Variants in NKAIN3 observed in about 807,000 individuals in gnomAD.
The protein encoded by NKAIN3 is sodium/potassium-transporting ATPase subunit beta-1-interacting protein 3.
A neutral mutation model predicts 30.2 loss-of-function variants in NKAIN3; 25 were observed. The ratio of observed to expected loss-of-function variants is 0.83; its 90% CI spans 0.60 to 1.16. The LOEUF (loss-of-function observed/expected upper bound fraction) is 1.16, where lower values mean the gene tolerates loss of function less well. NKAIN3 is among the 50% of genes most tolerant of loss of function. The pLI is 0.00. For synonymous variants in NKAIN3, 91 were observed against 89.6 expected, an observed-to-expected ratio of 1.02 and a Z score of -0.09; for missense variants, 225 against 254.1, an observed-to-expected ratio of 0.89 and a Z score of 0.78.
At chr8:62,678,926 C>T (rs981764363) in intron 3 of NKAIN3, among the ~76,000 whole-genome samples, 1 of 151,928 alleles carries the variant, frequency 6.6e-6, no homozygotes, top group African/African-American at 2.4e-5. Flanking sequence ...ACAAACAGGA[C>T]ATTTTTGTAA....
chr8:62,954,894 A>G (rs549978042), intron 6 of NKAIN3, among the ~76,000 whole-genome samples: 1 of 152,338 alleles, frequency 6.6e-6, no homozygotes, highest in African/African-American at 2.4e-5. Context: ...GTAGCAAACC[A>G]TCACCCAACC....
At chr8:62,459,989 G>A (rs759973620) in intron 1 of NKAIN3, among the ~76,000 whole-genome samples, 18 of 152,194 alleles carry the variant, frequency 1.2e-4, no homozygotes, top group Non-Finnish European at 2.6e-4. Flanking sequence ...AGAATAGACT[G>A]TAATGTGGTA....
At chr8:62,808,252 T>C (rs918075597) in intron 4 of NKAIN3, among the ~76,000 whole-genome samples, 1 of 152,222 alleles carries the variant, frequency 6.6e-6, no homozygotes, top group Non-Finnish European at 1.5e-5. Flanking sequence ...CTGAAGAACA[T>C]GCTTTAGTAG....
intron 4 of NKAIN3, among the ~76,000 whole-genome samples, chr8:62,765,562 G>A (rs7015211): frequency 0.51 from 77,211 of 151,960 alleles, 22,752 homozygotes; most frequent in Non-Finnish European, 0.67. Context: ...ATTTATATTT[G>A]TATAGGAGCT....
chr8:62,617,209 A>G (rs568781004), intron 3 of NKAIN3, among the ~76,000 whole-genome samples: 23 of 152,296 alleles, frequency 1.5e-4, no homozygotes, highest in African/African-American at 5.5e-4. Flanking sequence ...TAAATTACCC[A>G]GTCTCAGATA....
intron 4 of NKAIN3, among the ~76,000 whole-genome samples, chr8:62,806,301 T>C (rs1295430043): frequency 1.3e-5 from 2 of 152,224 alleles, no homozygotes; most frequent in Non-Finnish European, 2.9e-5. Flanking sequence ...ATCCCATTAC[T>C]GGGTATATAC....
intron 3 of NKAIN3, among the ~76,000 whole-genome samples, chr8:62,685,782 A>G (rs542474285): frequency 2.0e-5 from 3 of 152,272 alleles, no homozygotes; most frequent in Admixed American, 2.0e-4. Context: ...AAAATGACTC[A>G]TTCTGACTGC....
In NKAIN3 at chr8:62,249,115, C is replaced by A; in HGVS notation, c.42C>A (p.Cys14Ter). The A allele has an allele frequency of 1.3e-6, 2 of 1,537,792 alleles. No homozygotes were observed. Among genetic ancestry groups the A allele is most frequent in the African/African-American group, 1.4e-5 (1 of 71,524 alleles). ...GACGCTGCTCGCTCATCTGCCTCTG[C>A]GCGCTGCAGTTGGTGAGTGCCCCGA... is the stretch of plus-strand genomic sequence containing the variant. ...CTGRCSLICL[C>*]ALQLVSALER... The change falls in exon 1 of 7, where the codon TGC becomes TGA. Residue 14 changes from cysteine (C) to a stop codon, truncating the protein, a stop_gained. Coordinates refer to ENST00000623646, the MANE Select transcript of NKAIN3 (RefSeq NM_001304533.3). LOFTEE classifies it high-confidence loss of function.
intron 4 of NKAIN3, among the ~76,000 whole-genome samples, chr8:62,844,995 G>C (rs1195122148): frequency 6.6e-6 from 1 of 151,934 alleles, no homozygotes; most frequent in Non-Finnish European, 1.5e-5. Flanking sequence ...TTGAAAGGCA[G>C]TTTAGATGAA....
In NKAIN3 at chr8:62,777,777, T is replaced by C. The variant is rs1391368184; in HGVS notation, c.471+30648T>C. Among the ~76,000 whole-genome samples the C allele has an allele frequency of 2.6e-5, 4 of 152,268 alleles. No individual in the cohort carries two copies. In the East Asian group the frequency reaches 7.7e-4, roughly 29 times the overall value. ...GTGGACGTTCATCAGTGTCTGGGCA[T>C]AGAAAAATTAGGAAGTTATTGTAGT... On this transcript the variant is annotated intron_variant, in intron 4 of 6. Coordinates refer to ENST00000623646, the MANE Select transcript of NKAIN3 (RefSeq NM_001304533.3).
At position 62,981,360 on chromosome 8, in the gene NKAIN3, C is replaced by T. The variant is rs1246395631; in HGVS notation, c.*15953C>T. 1 of 152,100 alleles carries T rather than the reference C, an allele frequency of 6.6e-6. No individual in the cohort carries two copies. The highest frequency in any genetic ancestry group is 1.9e-4 in the East Asian group (1 of 5,196). 9.4% of individuals were successfully genotyped at this position (152,100 alleles called of 1,614,324 possible). On this transcript the variant is annotated 3_prime_UTR_variant, in exon 7 of 7. Coordinates refer to ENST00000623646, the MANE Select transcript of NKAIN3 (RefSeq NM_001304533.3). The stretch of plus-strand genomic sequence containing the variant: ...TGATAACTGTAATAAGAATATGTCT[C>T]GTTTTCTTTTAAAGACATAGATATT...
Position 62,977,533 on chromosome 8 carries a change from T to C in NKAIN3, c.*12126T>C, listed in dbSNP as rs1823972212. On this transcript the variant is annotated 3_prime_UTR_variant, in exon 7 of 7. Transcript: ENST00000623646. ...TTCATGAAGTTCTCGTGCTGTGTTT[T>C]TCAGCTCCATCAGGTCATTTGTGTT... Among the ~76,000 whole-genome samples the C allele has an allele frequency of 6.6e-6, 1 of 152,064 alleles. No homozygotes were observed. The highest frequency in any genetic ancestry group is 1.5e-5 in the Non-Finnish European group (1 of 68,006).
At chr8:62,994,813 A>G (rs1431235797) in intron 5 of NKAIN3, among the ~76,000 whole-genome samples, 1 of 152,174 alleles carries the variant, frequency 6.6e-6, no homozygotes, top group African/African-American at 2.4e-5. Context: ...GGAAGGTGGC[A>G]TTTTATTTCA....
Position 62,843,735 on chromosome 8 carries a change from G to A in NKAIN3, c.472-74718G>A, listed in dbSNP as rs181108426. ...TTGTGCTTTTTAAATGACTAAGTTT[G>A]TGATGATTTGCCACAGCAACAATAG... On this transcript the variant is annotated intron_variant, in intron 4 of 6. Coordinates refer to ENST00000623646, the MANE Select transcript of NKAIN3 (RefSeq NM_001304533.3). Among the ~76,000 whole-genome samples, 1,107 of 152,244 alleles carry A rather than the reference G, an allele frequency of 7.3e-3. 2 individuals are homozygous for A. Among genetic ancestry groups the A allele is most frequent in the Non-Finnish European group, 0.012 (813 of 67,996 alleles).
intron 1 of NKAIN3, among the ~76,000 whole-genome samples, chr8:62,517,455 C>G (rs76171223): frequency 9.9e-5 from 15 of 152,210 alleles, no homozygotes; most frequent in African/African-American, 3.6e-4. Context: ...TTATCTGGAA[C>G]TCAGTCTTGT....
At chr8:62,654,493 A>C (rs1812712066) in intron 3 of NKAIN3, among the ~76,000 whole-genome samples, 1 of 152,148 alleles carries the variant, frequency 6.6e-6, no homozygotes, top group African/African-American at 2.4e-5. Flanking sequence ...AGTTGGGACA[A>C]GAAGATGATA....
chr8:62,597,576 A>C (rs1480192), intron 3 of NKAIN3, among the ~76,000 whole-genome samples: 55,392 of 151,714 alleles, frequency 0.37, 12,011 homozygotes, highest in Non-Finnish European at 0.49. Flanking sequence ...TTCAAGGTGA[A>C]AATCTGAATA....
chr8:62,886,873 G>A (rs1289289237), intron 4 of NKAIN3, among the ~76,000 whole-genome samples: 4 of 152,072 alleles, frequency 2.6e-5, no homozygotes, highest in African/African-American at 9.7e-5. Context: ...GGGTCCCTGT[G>A]TTCTCATTGT....
intron 1 of NKAIN3, chr8:62,474,403 C>CGG (rs1312606271): frequency 6.6e-6 from 1 of 152,146 alleles, no homozygotes; most frequent in Admixed American, 6.5e-5. Flanking sequence ...CTGGACAAAT[C>CGG]TGTGTGCTGG....
Sources: allele counts gnomAD v4.1 joint callset (sites outside exome capture counted in the v4.1 genomes callset), GRCh38; gene constraint gnomAD v4.1.1; transcripts MANE v1.5; gene names NCBI Gene and HGNC (gene_info 2026-07-23, HGNC 2026-07-21).